PAPPA: variants seen among roughly 807,000 people sequenced by gnomAD.
The protein encoded by PAPPA is pappalysin-1.
A neutral mutation model predicts 164.0 loss-of-function variants in PAPPA; 60 were observed. That is an observed-to-expected ratio of 0.37 (90% CI 0.30 to 0.45). The LOEUF is 0.45. Ranked by LOEUF, PAPPA falls within the 20% of genes least tolerant of loss-of-function variation. The pLI is 1.00. For synonymous variants in PAPPA, 875 were observed against 814.1 expected, an observed-to-expected ratio of 1.07 and a Z score of -1.27; for missense variants, 1,782 against 2,087.3, an observed-to-expected ratio of 0.85 and a Z score of 2.85.
At position 116,219,918 on chromosome 9, in the gene PAPPA, T is replaced by A. The variant is rs1281955964; in HGVS notation, c.1919-19T>A. The A allele has an allele frequency of 6.3e-7, 1 of 1,592,736 alleles. No homozygotes were observed. The highest frequency in any genetic ancestry group is 8.6e-7 in the Non-Finnish European group (1 of 1,165,882). Reference sequence around the variant, plus strand: ...TGCCTTGCGGCTTGGTGCTTATCTCTCCCTCTGCCTGCTTGCAGATGACGA... The same window carrying A: ...TGCCTTGCGGCTTGGTGCTTATCTCACCCTCTGCCTGCTTGCAGATGACGA... On this transcript the variant is annotated intron_variant, in intron 4 of 21. Transcript: ENST00000328252.
At chr9:116,232,448 A>G (rs1435230320) in intron 6 of PAPPA, among the ~76,000 whole-genome samples, 4 of 152,180 alleles carry the variant, frequency 2.6e-5, no homozygotes, top group Admixed American at 6.5e-5. Context: ...GAGAAACCCT[A>G]TAACTGATAT....
At chr9:116,243,405 C>G (rs1844758715) in intron 7 of PAPPA, among the ~76,000 whole-genome samples, 1 of 152,276 alleles carries the variant, frequency 6.6e-6, no homozygotes, top group African/African-American at 2.4e-5. Flanking sequence ...TTCATATATG[C>G]TCAGTACTTT....
chr9:116,277,177 AAAAATT>A (rs1798034818), intron 9 of PAPPA, among the ~76,000 whole-genome samples: 1 of 152,192 alleles, frequency 6.6e-6, no homozygotes, highest in South Asian at 2.1e-4. Flanking sequence ...CTCACCTTAA[AAAAATT>A]AAAATTAAGA....
chr9:116,208,836 G>A (rs1844270503), intron 3 of PAPPA, among the ~76,000 whole-genome samples: 1 of 152,158 alleles, frequency 6.6e-6, no homozygotes, highest in Non-Finnish European at 1.5e-5. Context: ...GTGTGTGTGT[G>A]TGTGTGCGTG....
chr9:116,221,955 A>C (rs1844452132), intron 5 of PAPPA, among the ~76,000 whole-genome samples: 1 of 152,208 alleles, frequency 6.6e-6, no homozygotes, highest in South Asian at 2.1e-4. Context: ...CTATTACCAA[A>C]AGGAGGAAAG....
At chr9:116,386,444 C>T (rs571482516) in intron 21 of PAPPA, among the ~76,000 whole-genome samples, 124 of 152,286 alleles carry the variant, frequency 8.1e-4, no homozygotes, top group African/African-American at 2.9e-3. Context: ...CTCTGCGAGA[C>T]ACTTGGCCTC....
intron 7 of PAPPA, among the ~76,000 whole-genome samples, chr9:116,262,038 C>A (rs1845008704): frequency 6.6e-6 from 1 of 151,914 alleles, no homozygotes; most frequent in Non-Finnish European, 1.5e-5. Flanking sequence ...CCTGATTAGA[C>A]CCCATCTCTA....
At chr9:116,383,752 G>A (rs1286442841) in intron 21 of PAPPA, among the ~76,000 whole-genome samples, 1 of 152,186 alleles carries the variant, frequency 6.6e-6, no homozygotes, top group Non-Finnish European at 1.5e-5. Flanking sequence ...AGTCCCAGGT[G>A]GGCAACAGTT....
intron 7 of PAPPA, among the ~76,000 whole-genome samples, chr9:116,259,063 A>G (rs13300183): frequency 0.2 from 30,034 of 151,746 alleles, 3,046 homozygotes; most frequent in Middle Eastern, 0.31. Flanking sequence ...AACATGGGAG[A>G]CAGAGGTTGC....
chr9:116,291,313 CAG>C (rs1845432860), intron 9 of PAPPA, among the ~76,000 whole-genome samples: 1 of 151,996 alleles, frequency 6.6e-6, no homozygotes, highest in Admixed American at 6.6e-5. Context: ...ATATATAAGA[CAG>C]ATGGTGAGGC....
Position 116,367,698 on chromosome 9 carries a change from C to T in PAPPA, c.4549C>T (p.Pro1517Ser), listed in dbSNP as rs777363185. 1 of 1,614,108 alleles carries T rather than the reference C, an allele frequency of 6.2e-7. No homozygotes were observed. The highest frequency in any genetic ancestry group is 8.5e-7 in the Non-Finnish European group (1 of 1,179,992). ...LDHNSESIIL[P>S]MNVTVRDIPH... ...CCACAACAGCGAGTCCATCATCCTG[C>T]CAATGAACGTGACCGTGCGTGACAT... The change falls in exon 19 of 22, where the codon CCA (proline) becomes TCA (serine). Residue 1517 changes from proline (P) to serine (S), a missense_variant. By Grantham distance (74) the Pro-to-Ser change is moderately conservative. This residue lies in a region of PAPPA where 1,324 missense variants were observed against 1,656.9 expected (regional missense o/e 0.80). Transcript: ENST00000328252.
Position 116,377,207 on chromosome 9 carries a change from TGC to T in PAPPA, c.4606-366_4606-365del, listed in dbSNP as rs1491298315. On this transcript the variant is annotated intron_variant, in intron 19 of 21. Coordinates refer to ENST00000328252, the MANE Select transcript of PAPPA (RefSeq NM_002581.5). ...ACACACACACATGCAAACACACACA[TGC>T]GCACACACACACACACCCCTCCTCC... is the stretch of plus-strand genomic sequence containing the variant. Among the ~76,000 whole-genome samples the T allele has an allele frequency of 2.8e-3, 415 of 146,290 alleles. 7 individuals carry two copies. Among genetic ancestry groups the T allele is most frequent in the African/African-American group, 0.011 (395 of 37,234 alleles).
chr9:116,388,218 A>C (rs1318975909), intron 21 of PAPPA, among the ~76,000 whole-genome samples: 1 of 152,158 alleles, frequency 6.6e-6, no homozygotes. Context: ...ACCTGCCTGC[A>C]GTGTGAGGCA....
In PAPPA at chr9:116,154,065, C is replaced by T; in HGVS notation, c.-108C>T. The T allele has an allele frequency of 1.7e-6, 2 of 1,164,254 alleles. No individual in the cohort carries two copies. Among genetic ancestry groups the T allele is most frequent in the Non-Finnish European group, 2.1e-6 (2 of 934,956 alleles). The allele number at this position is 1,164,254 out of a possible 1,614,324, so 72.1% of individuals were successfully genotyped here. A position where few individuals can be genotyped will look rare whatever the true frequency, so the allele number is the denominator to read the frequency against. On this transcript the variant is annotated 5_prime_UTR_variant, in exon 1 of 22. Transcript: ENST00000328252. The surrounding 1 kb of genome is among the most constrained non-coding windows in gnomAD (Gnocchi z 5.2). ...AAAAGCAAGTGGAAAGGGGGGCTCG[C>T]CCAAGAAGGGTGAAGAAGCGAAGAA...
At chr9:116,190,276 G>C (rs1844025700) in intron 2 of PAPPA, among the ~76,000 whole-genome samples, 1 of 152,110 alleles carries the variant, frequency 6.6e-6, no homozygotes, top group African/African-American at 2.4e-5. Context: ...GTGGGCGTGG[G>C]GTAGGATGGG....
chr9:116,255,351 A>G (rs1421368332), intron 7 of PAPPA, among the ~76,000 whole-genome samples: 2 of 152,042 alleles, frequency 1.3e-5, no homozygotes, highest in African/African-American at 4.8e-5. Flanking sequence ...AAATTCAAAT[A>G]ATTTCTGCCT....
At position 116,271,270 on chromosome 9, in the gene PAPPA, C is replaced by T; in HGVS notation, c.2862-55C>T. ...GCCCAGGGAGGGACTTTTCCATGTC[C>T]AGCCATGGTTTTAAGACTAAATTGG... is the stretch of plus-strand genomic sequence containing the variant. On this transcript the variant is annotated intron_variant, in intron 8 of 21. Coordinates refer to ENST00000328252, the MANE Select transcript of PAPPA (RefSeq NM_002581.5). This position sits in a 1 kb window ranked among gnomAD's most constrained non-coding sequence, Gnocchi z 4.2. 8.0e-7 allele frequency: 1 copy of T among 1,253,598 alleles called. No homozygotes were observed. Among genetic ancestry groups the T allele is most frequent in the East Asian group, 2.3e-5 (1 of 43,216 alleles). The allele number at this position is 1,253,598 out of a possible 1,614,324, so 77.7% of individuals were successfully genotyped here. A position where few individuals can be genotyped will look rare whatever the true frequency, so the allele number is the denominator to read the frequency against.
intron 19 of PAPPA, among the ~76,000 whole-genome samples, chr9:116,377,340 CTT>C (rs1423963431): frequency 1.2e-4 from 18 of 152,156 alleles, no homozygotes; most frequent in African/African-American, 4.3e-4. Context: ...CTCCTCAACC[CTT>C]GTTCCTGCCA....
At chr9:116,231,778 T>TTTTTTTTTTTTGG (rs1564192736) in intron 6 of PAPPA, among the ~76,000 whole-genome samples, 2 of 144,094 alleles carry the variant, frequency 1.4e-5, no homozygotes, top group Non-Finnish European at 3.0e-5. Flanking sequence ...TTTTTTTTTT[T>TTTTTTTTTTTTGG]GAGATGGAGT....
Sources: allele counts gnomAD v4.1 joint callset (sites outside exome capture counted in the v4.1 genomes callset), GRCh38; gene constraint gnomAD v4.1.1; regional missense constraint gnomAD v4.1.1; non-coding constraint Gnocchi (gnomAD v3.1); transcripts MANE v1.5; gene names NCBI Gene and HGNC (gene_info 2026-07-23, HGNC 2026-07-21).